The following MAGI1 variants were observed in gnomAD, a reference collection of about 807,000 sequenced individuals.
The protein encoded by MAGI1 is membrane associated guanylate kinase, WW and PDZ domain containing 1.
In MAGI1, 58 loss-of-function variants were observed where a neutral mutation model predicts 139.9. The observed-to-expected ratio is 0.41, with a 90% CI of 0.34 to 0.52. MAGI1 has a LOEUF of 0.52. Ranked by LOEUF, MAGI1 falls within the 20% of genes least tolerant of loss-of-function variation. The pLI is 0.12. For synonymous variants in MAGI1, 812 were observed against 737.9 expected, an observed-to-expected ratio of 1.10 and a Z score of -1.63; for missense variants, 1,874 against 1,901.6, an observed-to-expected ratio of 0.99 and a Z score of 0.27.
rs185237431 is a variant in MAGI1, at chr3:65,459,314, T to C, written c.960-5974A>G. Among the ~76,000 whole-genome samples, 11 of 152,344 alleles carry C rather than the reference T, an allele frequency of 7.2e-5. No individual in the cohort carries two copies. The East Asian group carries it at 2.1e-3, about 29-fold the overall frequency. On this transcript the variant is annotated intron_variant, in intron 5 of 22. Coordinates refer to ENST00000402939, the MANE Select transcript of MAGI1 (RefSeq NM_001033057.2). ...TCGTGGTTCCATATAAATTTTAGAA[T>C]TGTTTTTTATATTTCTGTGAGGAAT...
At chr3:65,910,357 A>T (rs1291920849) in intron 1 of MAGI1, among the ~76,000 whole-genome samples, 1 of 152,226 alleles carries the variant, frequency 6.6e-6, no homozygotes, top group African/African-American at 2.4e-5. Context: ...AAACACATTT[A>T]AAAATGAGGA....
At chr3:65,750,351 A>G (rs2036045117) in intron 1 of MAGI1, among the ~76,000 whole-genome samples, 1 of 152,148 alleles carries the variant, frequency 6.6e-6, no homozygotes, top group Admixed American at 6.5e-5. Context: ...AGTGGTGAGA[A>G]AGGGATCTTT....
chr3:65,477,713 T>TA (rs200355939), intron 4 of MAGI1, among the ~76,000 whole-genome samples: 91,679 of 138,812 alleles, frequency 0.66, 29,438 homozygotes, highest in East Asian at 0.87. Flanking sequence ...TTATTATTAT[T>TA]TTTTTTTTTT....
intron 1 of MAGI1, among the ~76,000 whole-genome samples, chr3:65,783,763 G>A (rs1046806472): frequency 1.1e-4 from 16 of 145,350 alleles, no homozygotes; most frequent in African/African-American, 3.8e-4. Context: ...CTCTCAAAGT[G>A]CTGAGATTAC....
chr3:65,460,204 T>A (rs1949678535), intron 5 of MAGI1, among the ~76,000 whole-genome samples: 1 of 152,248 alleles, frequency 6.6e-6, no homozygotes, highest in South Asian at 2.1e-4. Context: ...TTGATTTATT[T>A]GAATACTGAG....
chr3:65,795,875 A>AC (rs2040101998), intron 1 of MAGI1, among the ~76,000 whole-genome samples: 1 of 151,752 alleles, frequency 6.6e-6, no homozygotes, highest in East Asian at 1.9e-4. Context: ...AAATGGTGAA[A>AC]CCCCGTCTCT....
intron 2 of MAGI1, among the ~76,000 whole-genome samples, chr3:65,556,703 T>G (rs947235325): frequency 3.9e-5 from 6 of 152,208 alleles, no homozygotes; most frequent in African/African-American, 1.4e-4. Flanking sequence ...CTTTCCTACC[T>G]ATAATCCACG....
chr3:65,922,547 G>C (rs1340635332), intron 1 of MAGI1, among the ~76,000 whole-genome samples: 1 of 152,164 alleles, frequency 6.6e-6, no homozygotes, highest in Non-Finnish European at 1.5e-5. Context: ...AAAGAGACAA[G>C]GAAGGCAAAG....
At chr3:65,643,104 T>G (rs1258017796) in intron 1 of MAGI1, among the ~76,000 whole-genome samples, 1 of 152,224 alleles carries the variant, frequency 6.6e-6, no homozygotes, top group African/African-American at 2.4e-5. Context: ...TCTAACTTGG[T>G]AGCACCATGT....
chr3:65,376,818 G>A (rs1386295392), intron 17 of MAGI1, among the ~76,000 whole-genome samples: 1 of 152,078 alleles, frequency 6.6e-6, no homozygotes, highest in Non-Finnish European at 1.5e-5. Flanking sequence ...CTCATCATCA[G>A]TTACCCATAT....
chr3:65,505,656 A>AATC (rs1341707132), intron 2 of MAGI1, among the ~76,000 whole-genome samples: 2 of 149,572 alleles, frequency 1.3e-5, no homozygotes, highest in Non-Finnish European at 3.0e-5. Flanking sequence ...TAATAATAAT[A>AATC]ATAATAATAA....
intron 2 of MAGI1, among the ~76,000 whole-genome samples, chr3:65,572,236 C>T (rs1017194965): frequency 5.9e-5 from 9 of 151,968 alleles, no homozygotes; most frequent in Admixed American, 3.9e-4. Flanking sequence ...CTATAATTAT[C>T]TCATTTTTAT....
chr3:65,773,733 G>A lies in MAGI1; in HGVS notation c.314-151645C>T, dbSNP rs147530620. 2.3e-3 allele frequency among the ~76,000 whole-genome samples: 357 copies of A among 152,278 alleles called. No individual in the cohort carries two copies. In the Middle Eastern group the frequency reaches 0.027, roughly 12 times the overall value. On this transcript the variant is annotated intron_variant, in intron 1 of 22. Coordinates refer to ENST00000402939, the MANE Select transcript of MAGI1 (RefSeq NM_001033057.2). ...CTGGAGAACATGGTGAATTCAGAAG[G>A]AAAATGTAACTGTACTCTAATTTGC...
chr3:65,829,624 T>C (rs1559922431), intron 1 of MAGI1, among the ~76,000 whole-genome samples: 2 of 152,336 alleles, frequency 1.3e-5, no homozygotes, highest in East Asian at 1.9e-4. Context: ...TATTTTGTTA[T>C]AGCAGCCCTA....
chr3:65,530,831 A>ACACG (rs2078673451), intron 2 of MAGI1, among the ~76,000 whole-genome samples: 1 of 35,936 alleles, frequency 2.8e-5, no homozygotes, highest in East Asian at 5.2e-4. Flanking sequence ...ACGTATATAT[A>ACACG]TATATATACA....
intron 1 of MAGI1, among the ~76,000 whole-genome samples, chr3:65,930,773 T>C (rs1462597141): frequency 2.0e-5 from 3 of 152,138 alleles, no homozygotes; most frequent in Non-Finnish European, 4.4e-5. Flanking sequence ...ATGCTTATTA[T>C]AATGCATTAG....
intron 1 of MAGI1, among the ~76,000 whole-genome samples, chr3:65,991,705 G>A (rs1039853874): frequency 2.2e-4 from 34 of 152,012 alleles, no homozygotes; most frequent in African/African-American, 6.5e-4. Context: ...TAAATCACAC[G>A]GTGGTATCAG....
intron 4 of MAGI1, among the ~76,000 whole-genome samples, chr3:65,478,337 G>A (rs766012099): frequency 2.3e-4 from 35 of 152,030 alleles, no homozygotes; most frequent in East Asian, 3.9e-4. Context: ...CTGATTTCTC[G>A]TTTGCCTTCT....
chr3:65,816,017 T>C (rs936334757), intron 1 of MAGI1, among the ~76,000 whole-genome samples: 2 of 152,178 alleles, frequency 1.3e-5, no homozygotes, highest in Non-Finnish European at 2.9e-5. Flanking sequence ...AAATAAAGTA[T>C]TATTGTCTAC....
Sources: gnomAD v4.1 joint callset for allele counts (sites outside exome capture counted in the v4.1 genomes callset) on GRCh38, gnomAD v4.1.1 for gene constraint, MANE v1.5 for transcripts, NCBI Gene and HGNC (gene_info 2026-07-23, HGNC 2026-07-21) for gene names.